Variants in PLEKHG4B observed in about 807,000 individuals in gnomAD.
PLEKHG4B encodes pleckstrin homology and RhoGEF domain containing G4B.
PLEKHG4B carries 111 observed loss-of-function variants against 121.3 expected under a neutral mutation model. That is an observed-to-expected ratio of 0.92 (90% CI 0.78 to 1.07). The LOEUF (loss-of-function observed/expected upper bound fraction) is 1.07. PLEKHG4B is among the 50% of genes least tolerant of loss of function. The probability of loss-of-function intolerance (pLI) is 0.00; values close to 1 mark genes in which losing one functional copy is unlikely to be tolerated. For missense variants in PLEKHG4B, 1,831 were observed against 1,757.8 expected (o/e 1.04, Z -0.74); for synonymous variants, 738 against 725.0 (o/e 1.02, Z -0.29).
chr5:174,751 G>T (rs1579328801), intron 18 of PLEKHG4B, among the ~76,000 whole-genome samples: 1 of 152,154 alleles, frequency 6.6e-6, no homozygotes, highest in Middle Eastern at 3.4e-3. Flanking sequence ...GGTATATTTC[G>T]CATTCCACGT....
chr5:180,279 T>C (rs1156347416), intron 18 of PLEKHG4B, among the ~76,000 whole-genome samples: 2 of 152,206 alleles, frequency 1.3e-5, no homozygotes, highest in African/African-American at 4.8e-5. Context: ...CTCAGACCTT[T>C]GGGCAGCTGA....
chr5:124,301 G>A (rs181501095), intron 2 of PLEKHG4B, among the ~76,000 whole-genome samples: 1 of 152,292 alleles, frequency 6.6e-6, no homozygotes, highest in Non-Finnish European at 1.5e-5. Context: ...CACTTGAGAA[G>A]CATGTGTATG....
rs374907859 is a variant in PLEKHG4B, at chr5:101,562, T to C, written c.45+9286T>C. Among the ~76,000 whole-genome samples, 233 of 96,614 alleles carry C rather than the reference T, an allele frequency of 2.4e-3. 2 individuals are homozygous for C. Among genetic ancestry groups the C allele is most frequent in the Non-Finnish European group, 2.8e-3 (143 of 50,570 alleles). 63.4% of individuals were successfully genotyped at this position (96,614 alleles called of 152,430 possible). A position where few individuals can be genotyped will look rare whatever the true frequency, so the allele number is the denominator to read the frequency against. On this transcript the variant is annotated intron_variant, in intron 1 of 19. Coordinates refer to ENST00000637938, the MANE Select transcript of PLEKHG4B (RefSeq NM_052909.5). ...AATCCATATAAAGCTCTGGAAAAAG[T>C]CTGTAGGGGAGAGACTGTTGTGAGG...
chr5:144,770 G>A (rs548182920), intron 5 of PLEKHG4B, 57 bp from the exon 6 acceptor site: 22 of 1,484,530 alleles, frequency 1.5e-5, no homozygotes, highest in Admixed American at 8.6e-5. Context: ...GGAGAAACTC[G>A]TTCTTGTAAG....
rs1474855854 is a variant in PLEKHG4B, at chr5:183,797, A to T, written c.*1474A>T. On this transcript the variant is annotated 3_prime_UTR_variant, in exon 20 of 20. Transcript: ENST00000637938. ...TTCAGAAGACCCAGACCGACCTTAC[A>T]GGGATGAGAAACTACAATATTGACA... 6.6e-6 allele frequency: 1 copy of T among 152,220 alleles called. No homozygotes were observed. The highest frequency in any genetic ancestry group is 1.5e-5 in the Non-Finnish European group (1 of 68,060). The allele number at this position is 152,220 out of a possible 1,614,324, so 9.4% of individuals were successfully genotyped here.
At chr5:170,415 G>C (rs1411389401) in intron 14 of PLEKHG4B, among the ~76,000 whole-genome samples, 1 of 152,004 alleles carries the variant, frequency 6.6e-6, no homozygotes, top group African/African-American at 2.4e-5. Flanking sequence ...TGATTCTCCT[G>C]CCTCAGCCTC....
chr5:145,231 C>T (rs1263253802), intron 6 of PLEKHG4B, among the ~76,000 whole-genome samples: 1 of 152,194 alleles, frequency 6.6e-6, no homozygotes, highest in Non-Finnish European at 1.5e-5. Context: ...GTGGTGGGCA[C>T]CTGTCCCAGG....
chr5:169,020 T>G (rs1579320349), intron 13 of PLEKHG4B: 1 of 334,714 alleles, frequency 3.0e-6, no homozygotes, highest in East Asian at 8.1e-5. Context: ...GGACTATAGG[T>G]GCCTGCCACT....
At chr5:166,953 G>A (rs572561326) in intron 13 of PLEKHG4B, among the ~76,000 whole-genome samples, 2 of 152,296 alleles carry the variant, frequency 1.3e-5, no homozygotes, top group Non-Finnish European at 1.5e-5. Context: ...AACGCCAAGC[G>A]CTGTCCCTGA....
rs927070589 is a variant in PLEKHG4B, at chr5:156,630, C to T, written c.2349-143C>T. 16 of 1,147,560 alleles carry T rather than the reference C, an allele frequency of 1.4e-5. No individual in the cohort carries two copies. The highest frequency in any genetic ancestry group is 5.5e-5 in the Admixed American group (2 of 36,038). 71.1% of individuals were successfully genotyped at this position (1,147,560 alleles called of 1,614,324 possible). The stretch of plus-strand genomic sequence containing the variant: ...CATGGAGCACATCTGTGCCCCGCCT[C>T]GGTTGTGGGCCTCCTCCTGGGGCTC... On this transcript the variant is annotated intron_variant, in intron 10 of 19. Coordinates refer to ENST00000637938, the MANE Select transcript of PLEKHG4B (RefSeq NM_052909.5). The surrounding 1 kb of genome is among the most constrained non-coding windows in gnomAD (Gnocchi z 4.4).
In PLEKHG4B at chr5:172,945, G is replaced by A. The variant is rs370770853; in HGVS notation, c.4099G>A (p.Val1367Ile). ...GCTGAGATGCCGGGATGAGTTTATC[G>A]TTTGCTGCGGGAGGAAGAAGTATCT... The part of the protein sequence containing the change: ...GQLRCRDEFI[V>I]CCGRKKYLRH... The change falls in exon 17 of 20, where the codon GTT (valine) becomes ATT (isoleucine). Residue 1367 changes from valine to isoleucine, a missense_variant. Transcript: ENST00000637938. 56 of 1,614,060 alleles carry A rather than the reference G, an allele frequency of 3.5e-5. No homozygotes were observed. The highest frequency in any genetic ancestry group is 5.5e-5 in the South Asian group (5 of 91,088).
chr5:161,579 G>A (rs553314432), intron 11 of PLEKHG4B, among the ~76,000 whole-genome samples: 1 of 152,264 alleles, frequency 6.6e-6, no homozygotes, highest in African/African-American at 2.4e-5. Context: ...CTTCCCCTGT[G>A]TAGATCAAAT....
intron 3 of PLEKHG4B, among the ~76,000 whole-genome samples, 136 bp from the exon 4 acceptor site, chr5:142,882 GTGGGACATGCTTTCACTTCCCGTGTGAAC>G (rs1735267617): frequency 6.6e-6 from 1 of 152,240 alleles, no homozygotes; most frequent in African/African-American, 2.4e-5. Flanking sequence ...GCCCTGTGCA[GTGGGACATGCTTTCACTTCCCGTGTGAAC>G]TGGGACAAGT....
chr5:181,873 G>A (rs1733403159), intron 19 of PLEKHG4B, 131 bp from the exon 20 acceptor site: 11 of 1,294,742 alleles, frequency 8.5e-6, no homozygotes, highest in South Asian at 4.1e-5. Context: ...TGGCCGACAT[G>A]GTGGGTTGGA....
chr5:144,751 C>A, intron 5 of PLEKHG4B, 76 bp from the exon 6 acceptor site: 1 of 1,299,868 alleles, frequency 7.7e-7, no homozygotes, highest in Non-Finnish European at 1.1e-6. Context: ...AACAACTAGC[C>A]TCAGAGGTGG....
In PLEKHG4B at chr5:163,132, A is replaced by T. The variant is rs767446704; in HGVS notation, c.3060A>T (p.Gly1020=). 6.4e-7 allele frequency: 1 copy of T among 1,562,066 alleles called. No homozygotes were observed. Among genetic ancestry groups the T allele is most frequent in the South Asian group, 1.2e-5 (1 of 83,306 alleles). The change falls in exon 13 of 20, where the codon GGA becomes GGT. Residue 1020 remains glycine, a synonymous_variant. Coordinates refer to ENST00000637938, the MANE Select transcript of PLEKHG4B (RefSeq NM_052909.5). ...SGLPGRALLC[G]QDGETLRPGL... ...TCCCTGGACGAGCGCTTCTGTGTGG[A>T]CAGGACGGGGAGACCCTGCGCCCAG...
At position 159,797 on chromosome 5, in the gene PLEKHG4B, T is replaced by C. The variant is rs1412843143; in HGVS notation, c.2488-1986T>C. 1.3e-5 allele frequency among the ~76,000 whole-genome samples: 2 copies of C among 152,180 alleles called. No homozygotes were observed. The highest frequency in any genetic ancestry group is 2.9e-5 in the Non-Finnish European group (2 of 68,034). ...CTGCCAGGGAACAGACCCTGGGCCC[T>C]GTGGAGCAGGGTGCCCAGCTCCTTC... On this transcript the variant is annotated intron_variant, in intron 11 of 19. Coordinates refer to ENST00000637938, the MANE Select transcript of PLEKHG4B (RefSeq NM_052909.5). This position sits in a 1 kb window ranked among gnomAD's most constrained non-coding sequence, Gnocchi z 5.5.
chr5:126,213 C>G (rs1463703281), intron 2 of PLEKHG4B, among the ~76,000 whole-genome samples: 1 of 152,162 alleles, frequency 6.6e-6, no homozygotes, highest in Non-Finnish European at 1.5e-5. Context: ...TCTGGAACTC[C>G]CATTTTACAT....
chr5:164,409 A>C (rs1045864002), intron 13 of PLEKHG4B, among the ~76,000 whole-genome samples: 23 of 151,858 alleles, frequency 1.5e-4, no homozygotes, highest in Admixed American at 1.5e-3. Flanking sequence ...TAATGATGTG[A>C]CTGGGGGCGG....
Sources: allele counts gnomAD v4.1 joint callset (sites outside exome capture counted in the v4.1 genomes callset), GRCh38; gene constraint gnomAD v4.1.1; non-coding constraint Gnocchi (gnomAD v3.1); transcripts MANE v1.5; gene names NCBI Gene and HGNC (gene_info 2026-07-23, HGNC 2026-07-21).